KCNJ3: variants seen among roughly 807,000 people sequenced by gnomAD.
KCNJ3 encodes the protein potassium inwardly rectifying channel subfamily J member 3, also known as G protein-activated inward rectifier potassium channel 1.
KCNJ3 carries 4 observed loss-of-function variants against 39.2 expected under a neutral mutation model. The ratio of observed to expected loss-of-function variants is 0.10; its 90% confidence interval spans 0.05 to 0.23. KCNJ3 has a LOEUF of 0.23. KCNJ3 is among the 10% of genes least tolerant of loss of function. The pLI is 1.00. For synonymous variants in KCNJ3, 230 were observed against 237.4 expected (o/e 0.97, Z 0.29); for missense variants, 276 against 634.9 (o/e 0.43, Z 6.08).
chr2:154,757,124 A>T (rs765426181), intron 2 of KCNJ3, among the ~76,000 whole-genome samples: 6 of 152,184 alleles, frequency 3.9e-5, no homozygotes, highest in Non-Finnish European at 7.3e-5. Context: ...TCAAAGTGGA[A>T]CAGGACATAT....
chr2:154,744,457 C>T (rs746985464), intron 2 of KCNJ3, among the ~76,000 whole-genome samples: 1 of 151,478 alleles, frequency 6.6e-6, no homozygotes, highest in African/African-American at 2.4e-5. Context: ...GTGAAATTAG[C>T]CTGAAGTTTA....
chr2:154,726,057 C>G (rs1351073602), intron 2 of KCNJ3, among the ~76,000 whole-genome samples: 1 of 152,100 alleles, frequency 6.6e-6, no homozygotes, highest in African/African-American at 2.4e-5. Context: ...TAGGAAAAGA[C>G]TTCATGACCA....
At chr2:154,781,724 T>C (rs146936247) in intron 2 of KCNJ3, among the ~76,000 whole-genome samples, 1 of 152,312 alleles carries the variant, frequency 6.6e-6, no homozygotes, top group African/African-American at 2.4e-5. Context: ...ATTTAGGTAC[T>C]TTTTACTTGC....
At chr2:154,748,974 A>C (rs1376520291) in intron 2 of KCNJ3, among the ~76,000 whole-genome samples, 3 of 152,146 alleles carry the variant, frequency 2.0e-5, no homozygotes, top group African/African-American at 4.8e-5. Context: ...GACTTATTGC[A>C]ATGGAGAACT....
At chr2:154,784,331 T>G (rs764052017) in intron 2 of KCNJ3, among the ~76,000 whole-genome samples, 5 of 152,196 alleles carry the variant, frequency 3.3e-5, no homozygotes, top group Non-Finnish European at 7.4e-5. Context: ...ACTTTTGTAA[T>G]AAAGACAGGT....
chr2:154,785,821 G>A (rs140703222), intron 2 of KCNJ3, among the ~76,000 whole-genome samples: 1 of 152,258 alleles, frequency 6.6e-6, no homozygotes, highest in East Asian at 1.9e-4. Flanking sequence ...GATTGGATTA[G>A]AGCCCATCTT....
At chr2:154,706,688 G>T (rs986701561) in intron 1 of KCNJ3, among the ~76,000 whole-genome samples, 1 of 151,848 alleles carries the variant, frequency 6.6e-6, no homozygotes, top group Non-Finnish European at 1.5e-5. Context: ...CCAGAATTAG[G>T]ACAGCCTAGA....
intron 2 of KCNJ3, among the ~76,000 whole-genome samples, chr2:154,779,979 G>A (rs1686406401): frequency 1.3e-5 from 2 of 152,318 alleles, no homozygotes; most frequent in South Asian, 2.1e-4. Flanking sequence ...GGTTGTGTGT[G>A]TGCATGAGAG....
chr2:154,779,431 CATATATATATGTATATATATTTT>C (rs1475172952), intron 2 of KCNJ3, among the ~76,000 whole-genome samples: 4 of 144,266 alleles, frequency 2.8e-5, no homozygotes, highest in African/African-American at 1.0e-4. Flanking sequence ...ACTTGATATA[CATATATATATGTATATATATTTT>C]ATATATATAT....
rs1258616580 is a variant in KCNJ3, at chr2:154,699,541, G to A, written c.702+64G>A. 4.7e-6 allele frequency: 7 copies of A among 1,493,318 alleles called. No homozygotes were observed. Among genetic ancestry groups the A allele is most frequent in the African/African-American group, 2.8e-5 (2 of 72,338 alleles). 92.5% of individuals were successfully genotyped at this position (1,493,318 alleles called of 1,614,324 possible). On this transcript the variant is annotated intron_variant, in intron 1 of 2. Transcript: ENST00000295101. The surrounding 1 kb of genome is among the most constrained non-coding windows in gnomAD (Gnocchi z 6.4). ...GTCCCCCAAACCCGCGGAGTAACTC[G>A]TCTGAGAACCAGCCCGGGCCCCCTC...
intron 2 of KCNJ3, among the ~76,000 whole-genome samples, chr2:154,837,360 T>A (rs1687487624): frequency 6.6e-6 from 1 of 151,492 alleles, no homozygotes; most frequent in Non-Finnish European, 1.5e-5. Flanking sequence ...TGTATGGATG[T>A]TTCAAAGTCA....
intron 2 of KCNJ3, 146 bp from the exon 3 acceptor site, chr2:154,854,581 C>T (rs930488788): frequency 3.5e-6 from 2 of 569,432 alleles, no homozygotes; most frequent in Non-Finnish European, 6.2e-6. Flanking sequence ...ACTTAGAGTA[C>T]AACTTTTAAT....
At chr2:154,734,550 C>T (rs1171973244) in intron 2 of KCNJ3, among the ~76,000 whole-genome samples, 1 of 152,184 alleles carries the variant, frequency 6.6e-6, no homozygotes, top group Admixed American at 6.5e-5. Flanking sequence ...AAGAAACCAG[C>T]ATCTGTTGAT....
intron 2 of KCNJ3, among the ~76,000 whole-genome samples, chr2:154,725,990 C>G (rs1441479439): frequency 1.3e-5 from 2 of 152,084 alleles, no homozygotes; most frequent in Admixed American, 1.3e-4. Context: ...AATGTAAGAC[C>G]TGAAACCATA....
At chr2:154,802,818 T>C (rs1686842771) in intron 2 of KCNJ3, among the ~76,000 whole-genome samples, 1 of 152,178 alleles carries the variant, frequency 6.6e-6, no homozygotes, top group South Asian at 2.1e-4. Flanking sequence ...GTGATACGGA[T>C]AATTTATTGA....
At chr2:154,712,855 T>C (rs1685123417) in intron 2 of KCNJ3, among the ~76,000 whole-genome samples, 1 of 152,010 alleles carries the variant, frequency 6.6e-6, no homozygotes, top group Non-Finnish European at 1.5e-5. Flanking sequence ...TGTTTTAGGC[T>C]AATAGGGAAG....
chr2:154,849,445 C>A (rs1217992176), intron 2 of KCNJ3, among the ~76,000 whole-genome samples: 1 of 152,010 alleles, frequency 6.6e-6, no homozygotes, highest in Non-Finnish European at 1.5e-5. Context: ...TTTTCTCTGT[C>A]TGGGTCTGAT....
chr2:154,805,643 A>G (rs1013805240), intron 2 of KCNJ3, among the ~76,000 whole-genome samples: 2 of 152,194 alleles, frequency 1.3e-5, no homozygotes, highest in African/African-American at 4.8e-5. Context: ...TATTTTAAAT[A>G]TTGAATCAGC....
At chr2:154,818,950 T>A (rs919049518) in intron 2 of KCNJ3, among the ~76,000 whole-genome samples, 3 of 115,944 alleles carry the variant, frequency 2.6e-5, no homozygotes, top group African/African-American at 6.8e-5. Flanking sequence ...TTTTTTTTTT[T>A]AATCATCTTG....
Sources: gnomAD v4.1 joint callset for allele counts (sites outside exome capture counted in the v4.1 genomes callset) on GRCh38, gnomAD v4.1.1 for gene constraint, Gnocchi (gnomAD v3.1) non-coding constraint, MANE v1.5 for transcripts, NCBI Gene and HGNC (gene_info 2026-07-23, HGNC 2026-07-21) for gene names.